Variants in SURF4 observed in about 807,000 individuals in gnomAD.
SURF4 encodes surfeit 4.
Under a neutral mutation model 30.0 loss-of-function variants are expected in SURF4, and 3 were observed. The ratio of observed to expected loss-of-function variants is 0.10; its 90% CI spans 0.05 to 0.26. The LOEUF (loss-of-function observed/expected upper bound fraction) is 0.26. SURF4 is among the 10% of genes least tolerant of loss of function. SURF4 has a pLI of 1.00. For synonymous variants in SURF4, 143 were observed against 139.9 expected, an observed-to-expected ratio of 1.02 and a Z score of -0.16; for missense variants, 217 against 350.8, an observed-to-expected ratio of 0.62 and a Z score of 3.05.
intron 1 of SURF4, among the ~76,000 whole-genome samples, chr9:133,374,614 A>C (rs2130226619): frequency 4.0e-4 from 61 of 152,300 alleles, no homozygotes; most frequent in Non-Finnish European, 6.3e-4. Flanking sequence ...TGTGTCTTTA[A>C]GCACAAAATC....
chr9:133,363,029 T>C lies in SURF4; in HGVS notation c.*464A>G, dbSNP rs1433919254. The C allele has an allele frequency of 3.7e-6, 1 of 271,094 alleles. No homozygotes were observed. Among genetic ancestry groups the C allele is most frequent in the South Asian group, 4.1e-5 (1 of 24,272 alleles). 16.8% of individuals were successfully genotyped at this position (271,094 alleles called of 1,614,324 possible). On this transcript the variant is annotated 3_prime_UTR_variant, in exon 6 of 6. Coordinates refer to ENST00000371989, the MANE Select transcript of SURF4 (RefSeq NM_033161.4). The surrounding 1 kb of genome is among the most constrained non-coding windows in gnomAD (Gnocchi z 4.3). ...TGGTGTGATTTTAAACCAGGGAGAT[T>C]AACTGTTTTGAGGTTTGGCTGAACC...
chr9:133,370,465 C>A (rs1837439472), intron 1 of SURF4, among the ~76,000 whole-genome samples: 1 of 152,174 alleles, frequency 6.6e-6, no homozygotes, highest in African/African-American at 2.4e-5. Flanking sequence ...AAACTGGCCA[C>A]CATTTAATGA....
chr9:133,375,986 T>C lies in SURF4; in HGVS notation c.-17A>G. On this transcript the variant is annotated 5_prime_UTR_variant, in exon 1 of 6. Coordinates refer to ENST00000371989, the MANE Select transcript of SURF4 (RefSeq NM_033161.4). ...CTGGCCCATGGCGACGGCGGGAGGCTCGGCTCGGCTCGCTCGCTCGCTCGC... is the reference window on the plus strand; with the variant it reads ...CTGGCCCATGGCGACGGCGGGAGGCCCGGCTCGGCTCGCTCGCTCGCTCGC... 1 of 1,224,952 alleles carries C rather than the reference T, an allele frequency of 8.2e-7. No homozygotes were observed. Among genetic ancestry groups the C allele is most frequent in the Non-Finnish European group, 1.0e-6 (1 of 980,918 alleles). 75.9% of individuals were successfully genotyped at this position (1,224,952 alleles called of 1,614,324 possible).
intron 1 of SURF4, 42 bp from the exon 2 acceptor site, chr9:133,367,487 G>A: frequency 6.2e-7 from 1 of 1,607,422 alleles, no homozygotes; most frequent in Non-Finnish European, 8.5e-7. Context: ...GGCTGCGGCG[G>A]GGAGCACCAG....
At chr9:133,375,355 A>C in intron 1 of SURF4, 1 of 985,760 alleles carries the variant, frequency 1.0e-6, no homozygotes, top group Non-Finnish European at 1.2e-6. Context: ...GGAGACGCAG[A>C]CAGGGTCAAA....
At position 133,363,805 on chromosome 9, in the gene SURF4, A is replaced by T. The variant is rs1385131869; in HGVS notation, c.544-46T>A. On this transcript the variant is annotated intron_variant, in intron 5 of 5. Coordinates refer to ENST00000371989, the MANE Select transcript of SURF4 (RefSeq NM_033161.4). The surrounding 1 kb of genome is among the most constrained non-coding windows in gnomAD (Gnocchi z 4.3). ...GAAATTCAAAATAAATGTGAGGAAAAGAGATGCTTTATAAACAAAAGTTCC... is the reference window on the plus strand; with the variant it reads ...GAAATTCAAAATAAATGTGAGGAAATGAGATGCTTTATAAACAAAAGTTCC... The T allele has an allele frequency of 6.2e-7, 1 of 1,610,804 alleles. No homozygotes were observed. The highest frequency in any genetic ancestry group is 1.3e-5 in the African/African-American group (1 of 74,818).
chr9:133,377,536 G>T (rs143913377), upstream of SURF4, among the ~76,000 whole-genome samples: 334 of 152,320 alleles, frequency 2.2e-3, 2 homozygotes, highest in African/African-American at 7.5e-3. Context: ...GGTGGCGCAT[G>T]CCTGTAATCA....
At chr9:133,376,559 A>G, upstream of SURF4, 3 of 1,593,542 alleles carry the variant, frequency 1.9e-6, no homozygotes, top group East Asian at 2.3e-5. Flanking sequence ...GAGAAGTACC[A>G]GGTGCCGAGT....
chr9:133,364,192 CT>C (rs1200644867), intron 5 of SURF4, among the ~76,000 whole-genome samples: 1 of 152,154 alleles, frequency 6.6e-6, no homozygotes, highest in Non-Finnish European at 1.5e-5. Context: ...AGGCCTGCCC[CT>C]GACACCTGAC....
intron 1 of SURF4, 144 bp downstream of exon 1, chr9:133,375,778 G>A (rs1189184508): frequency 1.2e-5 from 10 of 854,178 alleles, no homozygotes; most frequent in South Asian, 1.2e-4. Flanking sequence ...CGGGACAGAG[G>A]GCCCGGGCGG....
At position 133,366,637 on chromosome 9, in the gene SURF4, A is replaced by G. The variant is rs2130129943; in HGVS notation, c.274T>C (p.Tyr92His). The G allele has an allele frequency of 9.3e-6, 15 of 1,613,868 alleles. No individual in the cohort carries two copies. Among genetic ancestry groups the G allele is most frequent in the Non-Finnish European group, 1.3e-5 (15 of 1,180,018 alleles). ...VLVLSRNFVQ[Y>H]ACFGLFGIIA... is the part of the protein sequence containing the mutation. ...ATTCCAAAGAGCCCGAAGCAGGCGT[A>G]CTGCACGAAGTTCCTGCTCAACACC... Residue 92 changes from tyrosine (Y) to histidine (H), a missense_variant, in exon 3 of 6, where the codon TAC becomes CAC. By Grantham distance (83) the Tyr-to-His change is moderately conservative. Coordinates refer to ENST00000371989, the MANE Select transcript of SURF4 (RefSeq NM_033161.4).
At chr9:133,374,603 TTG>T (rs1837746522) in intron 1 of SURF4, among the ~76,000 whole-genome samples, 2 of 152,074 alleles carry the variant, frequency 1.3e-5, no homozygotes, top group African/African-American at 2.4e-5. Flanking sequence ...ACAAATAAAA[TTG>T]TGTCTTTAAG....
rs1412002268 is a variant in SURF4 at position 133,364,830 on chromosome 9, G to A, written c.543+10C>T. 4 of 1,613,800 alleles carry A rather than the reference G, an allele frequency of 2.5e-6. No individual in the cohort carries two copies. Among genetic ancestry groups the A allele is most frequent in the Non-Finnish European group, 3.4e-6 (4 of 1,179,786 alleles). On this transcript the variant is annotated intron_variant, in intron 5 of 5. Transcript: ENST00000371989. ...AAACCAGACCGGTTCAGGCAAGTAG[G>A]AATACTTACAGAAAAGAAGCTGGCG...
chr9:133,365,961 T>G (rs2130121996), intron 4 of SURF4, 24 bp downstream of exon 4: 3 of 1,613,254 alleles, frequency 1.9e-6, no homozygotes, highest in East Asian at 2.2e-5. Flanking sequence ...GAGCGTATAC[T>G]AAAACCAACC....
At position 133,362,279 on chromosome 9, in the gene SURF4, AGAC is replaced by A. The variant is rs1375952546; in HGVS notation, c.*1211_*1213del. The A allele has an allele frequency of 2.0e-5, 3 of 152,628 alleles. No individual in the cohort carries two copies. Among genetic ancestry groups the A allele is most frequent in the Non-Finnish European group, 4.4e-5 (3 of 68,056 alleles). The allele number at this position is 152,628 out of a possible 1,614,324, so 9.5% of individuals were successfully genotyped here. ...ACCCTTGTGGCATTTACTATGGTGCAGACGACAGGGAGCAACAAGCAGTTAAGC... is the reference window on the plus strand; with the variant it reads ...ACCCTTGTGGCATTTACTATGGTGCAGACAGGGAGCAACAAGCAGTTAAGC... On this transcript the variant is annotated 3_prime_UTR_variant, in exon 6 of 6. Coordinates refer to ENST00000371989, the MANE Select transcript of SURF4 (RefSeq NM_033161.4).
chr9:133,376,278 C>G, upstream of SURF4: 1 of 1,319,736 alleles, frequency 7.6e-7, no homozygotes, highest in Non-Finnish European at 9.6e-7. Flanking sequence ...CGCGCAGGCC[C>G]TGCGGTCCCT....
chr9:133,366,698 G>T, intron 2 of SURF4, 23 bp from the exon 3 acceptor site: 1 of 1,610,862 alleles, frequency 6.2e-7, no homozygotes, highest in South Asian at 1.1e-5. Flanking sequence ...ACAAGGGTTA[G>T]GGGGCCTGAG....
Position 133,363,833 on chromosome 9 carries a change from C to G in SURF4, c.544-74G>C. Reference sequence around the variant, plus strand: ...GATGCTTTATAAACAAAAGTTCCAGCTGCTGCACGTCATGAAGTCTCTATC... The same window carrying G: ...GATGCTTTATAAACAAAAGTTCCAGGTGCTGCACGTCATGAAGTCTCTATC... On this transcript the variant is annotated intron_variant, in intron 5 of 5. Coordinates refer to ENST00000371989, the MANE Select transcript of SURF4 (RefSeq NM_033161.4). This position sits in a 1 kb window ranked among gnomAD's most constrained non-coding sequence, Gnocchi z 4.3. The G allele has an allele frequency of 6.4e-7, 1 of 1,567,050 alleles. No individual in the cohort carries two copies. Among genetic ancestry groups the G allele is most frequent in the Non-Finnish European group, 8.8e-7 (1 of 1,141,866 alleles).
At chr9:133,365,943 T>A (rs1837144636) in intron 4 of SURF4, 42 bp downstream of exon 4, 1 of 1,599,322 alleles carries the variant, frequency 6.3e-7, no homozygotes, top group South Asian at 1.1e-5. Context: ...ATGCTCAACC[T>A]GTAGAAGGAG....
Sources: gnomAD v4.1 joint callset for allele counts (sites outside exome capture counted in the v4.1 genomes callset) on GRCh38, gnomAD v4.1.1 for gene constraint, Gnocchi (gnomAD v3.1) non-coding constraint, MANE v1.5 for transcripts, NCBI Gene and HGNC (gene_info 2026-07-23, HGNC 2026-07-21) for gene names.